The following G3BP2 variants were observed in gnomAD, a reference collection of about 807,000 sequenced individuals.
G3BP2 encodes the protein G3BP stress granule assembly factor 2, also known as ras GTPase-activating protein-binding protein 2.
Under a neutral mutation model 56.7 loss-of-function variants are expected in G3BP2, and 11 were observed. The observed-to-expected ratio is 0.19, with a 90% CI of 0.12 to 0.32. The LOEUF is 0.32. Ranked by LOEUF, G3BP2 falls within the 10% of genes least tolerant of loss-of-function variation. The pLI is 1.00. For missense variants in G3BP2, 340 were observed against 610.9 expected (o/e 0.56, Z 4.67); for synonymous variants, 165 against 191.6 (o/e 0.86, Z 1.15).
At position 75,717,103 on chromosome 4, in the gene G3BP2, T is replaced by C. The variant is rs79255480; in HGVS notation, c.-25+3774A>G. Among the ~76,000 whole-genome samples the C allele has an allele frequency of 1.9e-3, 295 of 152,202 alleles. 1 individual carries two copies. Among genetic ancestry groups the C allele is most frequent in the African/African-American group, 6.8e-3 (284 of 41,528 alleles). On this transcript the variant is annotated intron_variant, in intron 3 of 3. Coordinates refer to the G3BP2 transcript ENST00000499709. ...CATCCTGATTATCTCCCTAGTGTAT[T>C]TGTCAATCACAGGCCATTGGCATCT...
At chr4:75,659,068 T>TC (rs1335514594) in intron 2 of G3BP2, 144 bp from the exon 3 acceptor site, 5 of 646,874 alleles carry the variant, frequency 7.7e-6, no homozygotes, top group South Asian at 3.9e-5. Flanking sequence ...CTTAAGGTCT[T>TC]CAAGTTCAGC....
chr4:75,659,507 GTC>G (rs1446330144), intron 2 of G3BP2, among the ~76,000 whole-genome samples: 1 of 152,060 alleles, frequency 6.6e-6, no homozygotes, highest in African/African-American at 2.4e-5. Flanking sequence ...GTGTAAATTA[GTC>G]TTTTATTGGC....
intron 3 of G3BP2, among the ~76,000 whole-genome samples, chr4:75,681,396 A>T (rs1393616464): frequency 6.6e-6 from 1 of 152,158 alleles, no homozygotes; most frequent in Non-Finnish European, 1.5e-5. Flanking sequence ...GTCCCCCCTT[A>T]TCTGCAGAGG....
chr4:75,643,294 ATT>A lies in G3BP2; in HGVS notation c.*2134_*2135del, dbSNP rs769721520. Reference sequence around the variant, plus strand: ...GGCAGGGCAATATCCTGAATTGGAAATTATATATATATATATATATATGGAAA... The same window carrying A: ...GGCAGGGCAATATCCTGAATTGGAAAATATATATATATATATATATGGAAA... On this transcript the variant is annotated 3_prime_UTR_variant, in exon 12 of 12. Transcript: ENST00000359707. 1.7e-5 allele frequency: 1 copy of A among 59,568 alleles called. No individual in the cohort carries two copies. Among genetic ancestry groups the A allele is most frequent in the Non-Finnish European group, 3.7e-5 (1 of 27,314 alleles). The allele number at this position is 59,568 out of a possible 1,614,324, so 3.7% of individuals were successfully genotyped here.
At chr4:75,656,600 T>G (rs1241631440) in intron 5 of G3BP2, among the ~76,000 whole-genome samples, 1 of 152,038 alleles carries the variant, frequency 6.6e-6, no homozygotes, top group African/African-American at 2.4e-5. Context: ...AAAGGAAGCT[T>G]TGAGTCAGTG....
intron 2 of G3BP2, among the ~76,000 whole-genome samples, chr4:75,659,670 C>T (rs1052879761): frequency 2.6e-5 from 4 of 152,118 alleles, no homozygotes; most frequent in African/African-American, 9.7e-5. Flanking sequence ...ATTATGTGTA[C>T]TGATTCACTT....
chr4:75,720,423 A>C (rs1008254907), intron 3 of G3BP2, among the ~76,000 whole-genome samples: 26 of 149,656 alleles, frequency 1.7e-4, no homozygotes, highest in African/African-American at 5.4e-4. Flanking sequence ...AATGGCATGA[A>C]CCCAGGAGGC....
At chr4:75,699,838 C>T (rs1719268570) in intron 3 of G3BP2, among the ~76,000 whole-genome samples, 1 of 152,050 alleles carries the variant, frequency 6.6e-6, no homozygotes, top group South Asian at 2.1e-4. Context: ...TTCATTTTAA[C>T]ACATGCTCAT....
chr4:75,673,514 G>T, upstream of G3BP2: 4 of 1,232,234 alleles, frequency 3.2e-6, no homozygotes, highest in Non-Finnish European at 4.0e-6. Flanking sequence ...CTCCTCCAGA[G>T]CCGGACCCAA....
intron 2 of G3BP2, among the ~76,000 whole-genome samples, chr4:75,722,135 C>T (rs147045306): frequency 8.9e-4 from 136 of 152,202 alleles, no homozygotes; most frequent in Middle Eastern, 6.8e-3. Flanking sequence ...TGTAACTCTT[C>T]CTCTGAAATA....
intron 7 of G3BP2, 50 bp from the exon 8 acceptor site, chr4:75,654,131 C>T (rs745465734): frequency 1.2e-6 from 1 of 845,088 alleles, no homozygotes; most frequent in Non-Finnish European, 2.1e-6. Context: ...AAACCACCAA[C>T]ATTCCTATAG....
In G3BP2 at chr4:75,673,369, C is replaced by A. The variant is rs2149050657; in HGVS notation, c.-186G>T. The A allele has an allele frequency of 8.1e-7, 1 of 1,231,958 alleles. No individual in the cohort carries two copies. Among genetic ancestry groups the A allele is most frequent in the Non-Finnish European group, 1.0e-6 (1 of 987,858 alleles). 76.3% of individuals were successfully genotyped at this position (1,231,958 alleles called of 1,614,324 possible). Reference sequence around the variant, plus strand: ...TTCGTCTGCCTCACAACCACCTCTTCCCGGGCGCCAGGCGCTGCGACGTGC... The same window carrying A: ...TTCGTCTGCCTCACAACCACCTCTTACCGGGCGCCAGGCGCTGCGACGTGC... On this transcript the variant is annotated 5_prime_UTR_variant, in exon 1 of 12. Coordinates refer to ENST00000359707, the MANE Select transcript of G3BP2 (RefSeq NM_203505.3).
At chr4:75,669,236 C>T (rs1363530934) in intron 1 of G3BP2, among the ~76,000 whole-genome samples, 1 of 152,206 alleles carries the variant, frequency 6.6e-6, no homozygotes. Flanking sequence ...TCACCACATA[C>T]TGAACACCTA....
intron 1 of G3BP2, among the ~76,000 whole-genome samples, chr4:75,663,140 AGTCT>A (rs2149005829): frequency 6.6e-6 from 1 of 152,372 alleles, no homozygotes; most frequent in African/African-American, 2.4e-5. Flanking sequence ...AGGAGTTTAT[AGTCT>A]GTCAAGAAAT....
intron 3 of G3BP2, among the ~76,000 whole-genome samples, chr4:75,712,336 AT>A (rs1285524488): frequency 1.3e-5 from 2 of 152,040 alleles, no homozygotes; most frequent in African/African-American, 4.8e-5. Context: ...TTTTACCATC[AT>A]TTTTAATTTC....
intron 3 of G3BP2, among the ~76,000 whole-genome samples, chr4:75,718,994 A>C (rs1720037074): frequency 6.6e-6 from 1 of 152,228 alleles, no homozygotes; most frequent in Non-Finnish European, 1.5e-5. Flanking sequence ...CAGACTTCTC[A>C]GTAACATGAG....
intron 11 of G3BP2, among the ~76,000 whole-genome samples, chr4:75,646,098 T>TA (rs1731191823): frequency 6.6e-6 from 1 of 152,188 alleles, no homozygotes; most frequent in African/African-American, 2.4e-5. Context: ...TGTGAGCCAC[T>TA]ATACCCAGCC....
rs1312663540 is a variant in G3BP2 at position 75,687,065 on chromosome 4, A to AATAC, written c.-24-25020_-24-25017dup. Among the ~76,000 whole-genome samples the AATAC allele has an allele frequency of 2.6e-5, 4 of 152,210 alleles. No individual in the cohort carries two copies. In the East Asian group the frequency reaches 7.7e-4, roughly 29 times the overall value. ...CAACATAGCAAGACCCCCATCTCTAAATACATGCATACATACATACCTACA... is the reference window on the plus strand; with the variant it reads ...CAACATAGCAAGACCCCCATCTCTAAATACATACATGCATACATACATACCTACA... On this transcript the variant is annotated intron_variant, in intron 3 of 3. Transcript: ENST00000499709.
intron 3 of G3BP2, among the ~76,000 whole-genome samples, chr4:75,712,681 T>C (rs1171689697): frequency 6.6e-6 from 1 of 152,158 alleles, no homozygotes; most frequent in African/African-American, 2.4e-5. Flanking sequence ...AATAAATGAA[T>C]AGCCATTAAC....
Sources: allele counts gnomAD v4.1 joint callset (sites outside exome capture counted in the v4.1 genomes callset), GRCh38; gene constraint gnomAD v4.1.1; transcripts MANE v1.5; gene names NCBI Gene and HGNC (gene_info 2026-07-23, HGNC 2026-07-21).